AK3: variants seen among roughly 807,000 people sequenced by gnomAD.
AK3 encodes the protein GTP:AMP phosphotransferase AK3, mitochondrial.
Under a neutral mutation model 23.7 loss-of-function variants are expected in AK3, and 27 were observed. That is an observed-to-expected ratio of 1.14 (90% CI 0.84 to 1.57). The LOEUF is 1.57. AK3 is among the 40% of genes most tolerant of loss of function. The probability of loss-of-function intolerance (pLI) is 0.00; values close to 1 mark genes in which losing one functional copy is unlikely to be tolerated. For missense variants in AK3, 406 were observed against 285.6 expected (o/e 1.42, Z -3.04); for synonymous variants, 159 against 116.0 (o/e 1.37, Z -2.38).
chr9:4,713,186 G>C, intron 4 of AK3, 90 bp from the exon 5 acceptor site: 1 of 1,493,606 alleles, frequency 6.7e-7, no homozygotes, highest in Non-Finnish European at 9.0e-7. Context: ...TAATGATATT[G>C]TAGATATAGG....
chr9:4,718,415 T>C lies in AK3; in HGVS notation c.563+4A>G. 6.2e-7 allele frequency: 1 copy of C among 1,608,884 alleles called. No individual in the cohort carries two copies. ...AAGAGAAGTTCTGAAAAGCAAAAACTCACTGGTAATATTCCAGGACTGGCT... is the reference window on the plus strand; with the variant it reads ...AAGAGAAGTTCTGAAAAGCAAAAACCCACTGGTAATATTCCAGGACTGGCT... On this transcript the variant is annotated splice_donor_region_variant and intron_variant, in intron 4 of 4. Transcript: ENST00000381809.
intron 3 of AK3, 104 bp downstream of exon 3, chr9:4,719,031 G>A (rs16921966): frequency 0.25 from 329,237 of 1,294,330 alleles, 43,928 homozygotes; most frequent in African/African-American, 0.46. Flanking sequence ...TATACCCTCA[G>A]GAGTTTTGGT....
chr9:4,714,803 C>T (rs993700671), intron 4 of AK3, among the ~76,000 whole-genome samples: 4 of 152,122 alleles, frequency 2.6e-5, no homozygotes, highest in African/African-American at 9.7e-5. Context: ...TTTAAAACAA[C>T]CAACAATACA....
At chr9:4,726,659 T>A (rs1420257535) in intron 1 of AK3, among the ~76,000 whole-genome samples, 2 of 151,860 alleles carry the variant, frequency 1.3e-5, no homozygotes, top group African/African-American at 4.8e-5. Context: ...CTTAAAGTCA[T>A]CCATGAGGGT....
chr9:4,712,980 G>A lies in AK3; in HGVS notation c.680C>T (p.Pro227Leu), dbSNP rs1841601461. 6.2e-7 allele frequency: 1 copy of A among 1,612,966 alleles called. No individual in the cohort carries two copies. Among genetic ancestry groups the A allele is most frequent in the Non-Finnish European group, 8.5e-7 (1 of 1,179,396 alleles). ...PQRSQKASVT[P>L] is the part of the protein sequence containing the mutation. ...AATAGTTACACACATTTCTCCTCAT[G>A]GAGTAACTGAAGCTTTCTGGCTTCT... The change falls in exon 5 of 5, where the codon CCA (proline) becomes CTA (leucine). Residue 227 changes from proline to leucine, a missense_variant. Physicochemically the swap from Pro to Leu is moderately conservative, Grantham distance 98. Coordinates refer to ENST00000381809, the MANE Select transcript of AK3 (RefSeq NM_016282.4).
At chr9:4,726,385 C>T (rs1169512580) in intron 1 of AK3, among the ~76,000 whole-genome samples, 2 of 152,186 alleles carry the variant, frequency 1.3e-5, no homozygotes, top group Admixed American at 6.5e-5. Flanking sequence ...CTCTCAGACC[C>T]GCTGCTCCTT....
intron 4 of AK3, among the ~76,000 whole-genome samples, chr9:4,713,989 CAT>C: frequency 6.6e-6 from 1 of 150,914 alleles, no homozygotes; most frequent in Non-Finnish European, 1.5e-5. Flanking sequence ...CACACCTACA[CAT>C]ATACGCCTAC....
At position 4,711,549 on chromosome 9, in the gene AK3, G is replaced by A. The variant is rs1841562328; in HGVS notation, c.*1427C>T. 1 of 152,354 alleles carries A rather than the reference G, an allele frequency of 6.6e-6. No homozygotes were observed. The highest frequency in any genetic ancestry group is 1.5e-5 in the Non-Finnish European group (1 of 68,012). 9.4% of individuals were successfully genotyped at this position (152,354 alleles called of 1,614,324 possible). On this transcript the variant is annotated 3_prime_UTR_variant, in exon 5 of 5. Coordinates refer to ENST00000381809, the MANE Select transcript of AK3 (RefSeq NM_016282.4). The stretch of plus-strand genomic sequence containing the variant: ...CAAAACACATAAGAACCACTTACTG[G>A]CACTTGTATTTTAAGTACCTGGGAA...
intron 4 of AK3, among the ~76,000 whole-genome samples, chr9:4,715,900 C>G (rs974770946): frequency 6.6e-6 from 1 of 152,158 alleles, no homozygotes; most frequent in Non-Finnish European, 1.5e-5. Flanking sequence ...GTCCCCACTC[C>G]CCATCTTCAA....
intron 1 of AK3, among the ~76,000 whole-genome samples, chr9:4,733,630 A>G (rs2130907440): frequency 6.6e-6 from 1 of 152,308 alleles, no homozygotes; most frequent in South Asian, 2.1e-4. Flanking sequence ...AGCATCCAGA[A>G]AGAGTTCCTG....
chr9:4,725,892 T>C lies in AK3; in HGVS notation c.152-3267A>G, dbSNP rs185044738. ...ACTACTTCACATTCACGAACATGGTTATAGTCAAAAAGACACATACAGGCC... is the reference window on the plus strand; with the variant it reads ...ACTACTTCACATTCACGAACATGGTCATAGTCAAAAAGACACATACAGGCC... On this transcript the variant is annotated intron_variant, in intron 1 of 4. Coordinates refer to ENST00000381809, the MANE Select transcript of AK3 (RefSeq NM_016282.4). Among the ~76,000 whole-genome samples the C allele has an allele frequency of 3.9e-5, 6 of 152,144 alleles. No individual in the cohort carries two copies. The East Asian group carries it at 1.2e-3, about 29-fold the overall frequency.
chr9:4,727,797 C>T lies in AK3; in HGVS notation c.152-5172G>A, dbSNP rs570483646. Among the ~76,000 whole-genome samples the T allele has an allele frequency of 2.0e-5, 3 of 152,308 alleles. 1 individual carries two copies. The highest frequency in any genetic ancestry group is 1.5e-5 in the Non-Finnish European group (1 of 68,030). ...GCATGCCTTCCTCACTAAGCTTAAT[C>T]ATTTCTAGCTTTTGATTTAAAGTGA... On this transcript the variant is annotated intron_variant, in intron 1 of 4. Coordinates refer to ENST00000381809, the MANE Select transcript of AK3 (RefSeq NM_016282.4).
intron 1 of AK3, among the ~76,000 whole-genome samples, chr9:4,723,955 C>A (rs1197550138): frequency 6.7e-6 from 1 of 149,030 alleles, no homozygotes; most frequent in African/African-American, 2.6e-5. Flanking sequence ...GCCATACTGA[C>A]CCCAAAACAG....
At chr9:4,737,538 G>A (rs762738820) in intron 1 of AK3, among the ~76,000 whole-genome samples, 3 of 152,154 alleles carry the variant, frequency 2.0e-5, no homozygotes, top group South Asian at 2.1e-4. Context: ...CTGCCAATAC[G>A]GCAAAACCAT....
chr9:4,719,734 C>A (rs909543969), intron 2 of AK3, among the ~76,000 whole-genome samples: 1 of 152,118 alleles, frequency 6.6e-6, no homozygotes. Flanking sequence ...GGACTTTTCC[C>A]GCCTTTAAAC....
At chr9:4,714,383 T>G (rs2130869999) in intron 4 of AK3, among the ~76,000 whole-genome samples, 1 of 152,338 alleles carries the variant, frequency 6.6e-6, no homozygotes, top group Non-Finnish European at 1.5e-5. Flanking sequence ...TGATACCTCA[T>G]AAAATTTGCC....
chr9:4,740,785 A>T, intron 1 of AK3, 152 bp downstream of exon 1: 1 of 1,043,762 alleles, frequency 9.6e-7, no homozygotes, highest in Non-Finnish European at 1.3e-6. Context: ...TTTGGGGCGC[A>T]GTCGCTCAGC....
intron 1 of AK3, among the ~76,000 whole-genome samples, chr9:4,729,949 A>C (rs374955757): frequency 6.6e-6 from 1 of 152,238 alleles, no homozygotes; most frequent in South Asian, 2.1e-4. Flanking sequence ...CAACTGATGA[A>C]CAGGTAAATA....
intron 1 of AK3, among the ~76,000 whole-genome samples, chr9:4,728,948 CAT>C (rs202100083): frequency 7.1e-6 from 1 of 140,686 alleles, no homozygotes. Flanking sequence ...TATATACATA[CAT>C]ATATATACAC....
Sources: gnomAD v4.1 joint callset for allele counts (sites outside exome capture counted in the v4.1 genomes callset) on GRCh38, gnomAD v4.1.1 for gene constraint, MANE v1.5 for transcripts, NCBI Gene and HGNC (gene_info 2026-07-23, HGNC 2026-07-21) for gene names.